Variants in MED13L observed in about 807,000 individuals in gnomAD.
MED13L encodes the protein mediator complex subunit 13L.
A neutral mutation model predicts 220.9 loss-of-function variants in MED13L; 7 were observed. The ratio of observed to expected loss-of-function variants is 0.03; its 90% CI spans 0.02 to 0.06. MED13L has a LOEUF of 0.06. Among genes scored for constraint, MED13L ranks in the 10% least tolerant of loss-of-function variants. The probability of loss-of-function intolerance (pLI) is 1.00; values close to 1 mark genes in which losing one functional copy is unlikely to be tolerated. For synonymous variants in MED13L, 1,011 were observed against 1,015.2 expected (o/e 1.00, Z 0.08); for missense variants, 1,965 against 2,760.5 (o/e 0.71, Z 6.46).
chr12:116,109,662 T>C (rs1416730572), intron 3 of MED13L, among the ~76,000 whole-genome samples: 5 of 152,348 alleles, frequency 3.3e-5, no homozygotes, highest in Admixed American at 2.0e-4. Context: ...TACAGGATTA[T>C]GGCAACAGTA....
chr12:115,987,837 G>A (rs1445745955), intron 17 of MED13L, among the ~76,000 whole-genome samples: 4 of 152,214 alleles, frequency 2.6e-5, no homozygotes, highest in South Asian at 4.1e-4. Context: ...CTCAAGGACC[G>A]AAGTCCGCTG....
intron 1 of MED13L, among the ~76,000 whole-genome samples, chr12:116,273,865 C>G (rs1278085707): frequency 1.3e-5 from 2 of 152,188 alleles, no homozygotes; most frequent in Non-Finnish European, 2.9e-5. Flanking sequence ...GTCTACTTAA[C>G]ATCCAGAAAT....
chr12:116,030,666 T>C (rs1299578923), intron 4 of MED13L, among the ~76,000 whole-genome samples: 2 of 152,160 alleles, frequency 1.3e-5, no homozygotes, highest in African/African-American at 4.8e-5. Context: ...GGATGAAAGA[T>C]GTATGTGCAG....
chr12:115,980,065 C>T (rs1259362592), intron 23 of MED13L, among the ~76,000 whole-genome samples: 2 of 152,118 alleles, frequency 1.3e-5, no homozygotes, highest in African/African-American at 4.8e-5. Flanking sequence ...AGAGTAAACA[C>T]AACTACAACT....
intron 2 of MED13L, among the ~76,000 whole-genome samples, chr12:116,161,074 G>C (rs1287994442): frequency 6.6e-6 from 1 of 152,126 alleles, no homozygotes; most frequent in Non-Finnish European, 1.5e-5. Flanking sequence ...CATCATCCCA[G>C]GTCAGAGGGC....
intron 2 of MED13L, among the ~76,000 whole-genome samples, chr12:116,156,496 A>C (rs1878453281): frequency 2.6e-5 from 4 of 152,004 alleles, no homozygotes; most frequent in Non-Finnish European, 4.4e-5. Context: ...GTCTAGCATC[A>C]GTGGCAAGTT....
intron 2 of MED13L, among the ~76,000 whole-genome samples, chr12:116,179,191 A>G (rs1880303964): frequency 6.8e-6 from 1 of 147,672 alleles, no homozygotes; most frequent in South Asian, 2.2e-4. Flanking sequence ...ATAATTTAAA[A>G]TTTGACGATT....
intron 5 of MED13L, among the ~76,000 whole-genome samples, chr12:116,021,766 T>C (rs2137443523): frequency 6.6e-6 from 1 of 152,306 alleles, no homozygotes; most frequent in Middle Eastern, 3.4e-3. Context: ...TTCAATCTAA[T>C]ATTATAACAT....
At position 115,975,652 on chromosome 12, in the gene MED13L, A is replaced by G. The variant is rs759694170; in HGVS notation, c.5451T>C (p.Gly1817=). 9.9e-6 allele frequency: 16 copies of G among 1,614,060 alleles called. No homozygotes were observed. In the Admixed American group the frequency reaches 2.7e-4, roughly 27 times the overall value. The change falls in exon 24 of 31, where the codon GGT becomes GGC. Residue 1817 remains glycine, a synonymous_variant. Coordinates refer to ENST00000281928, the MANE Select transcript of MED13L (RefSeq NM_015335.5). The part of the protein sequence containing the change: ...DKQTELGETF[G]EASQKYNVLF... ...GCACATTGTATTTCTGGCTCGCCTC[A>G]CCAAACGTCTCTCCCAGCTCTGTCT...
intron 2 of MED13L, among the ~76,000 whole-genome samples, chr12:116,187,267 T>C (rs542093337): frequency 6.6e-6 from 1 of 152,330 alleles, no homozygotes; most frequent in East Asian, 1.9e-4. Context: ...TTACGTGTTC[T>C]TTGGTTTGAG....
At chr12:116,169,987 T>C (rs1250150514) in intron 2 of MED13L, among the ~76,000 whole-genome samples, 2 of 152,158 alleles carry the variant, frequency 1.3e-5, no homozygotes, top group African/African-American at 4.8e-5. Flanking sequence ...ACTGCACTCC[T>C]GTCTGAGCAG....
At chr12:116,143,994 A>G (rs1877285687) in intron 2 of MED13L, among the ~76,000 whole-genome samples, 1 of 152,186 alleles carries the variant, frequency 6.6e-6, no homozygotes, top group African/African-American at 2.4e-5. Flanking sequence ...AACTTAATAG[A>G]AGCCAGGTGA....
intron 1 of MED13L, among the ~76,000 whole-genome samples, chr12:116,257,673 C>T (rs1872170723): frequency 6.6e-6 from 1 of 152,122 alleles, no homozygotes; most frequent in Admixed American, 6.5e-5. Context: ...TTTAAATAAG[C>T]ATATGATTGT....
At position 116,003,060 on chromosome 12, in the gene MED13L, C is replaced by T; in HGVS notation, c.2512G>A (p.Gly838Arg). ...ALRSSKMPAV[G>R]TEDRPLGKDG... ...TTCCCAAGAGGTCGGTCTTCTGTCC[C>T]AACTGCAGGCATTTTTGATGAGCGC... Residue 838 changes from glycine to arginine, a missense_variant, in exon 14 of 31, where the codon GGG (glycine) becomes AGG (arginine). Around this residue, in one of 10 missense-constraint regions of MED13L, gnomAD observed 818 missense variants for 1,041.2 expected, o/e 0.79. Transcript: ENST00000281928. 9 of 1,614,132 alleles carry T rather than the reference C, an allele frequency of 5.6e-6. No individual in the cohort carries two copies. The highest frequency in any genetic ancestry group is 7.6e-6 in the Non-Finnish European group (9 of 1,179,978).
chr12:116,208,352 T>A (rs1882485341), intron 2 of MED13L, among the ~76,000 whole-genome samples: 1 of 152,206 alleles, frequency 6.6e-6, no homozygotes, highest in Admixed American at 6.5e-5. Flanking sequence ...GCTGAGATCG[T>A]GCCATTGCAC....
At chr12:116,117,476 G>A (rs1469821778) in intron 2 of MED13L, among the ~76,000 whole-genome samples, 3 of 151,842 alleles carry the variant, frequency 2.0e-5, no homozygotes, top group African/African-American at 4.8e-5. Context: ...TCTAAATTAC[G>A]AAAACTCATT....
rs1192822451 is a variant in MED13L at position 116,175,379 on chromosome 12, T to C, written c.310+62089A>G. Among the ~76,000 whole-genome samples, 3 of 152,076 alleles carry C rather than the reference T, an allele frequency of 2.0e-5. No homozygotes were observed. In the South Asian group the frequency reaches 6.2e-4, roughly 32 times the overall value. On this transcript the variant is annotated intron_variant, in intron 2 of 30. Transcript: ENST00000281928. The stretch of plus-strand genomic sequence containing the variant: ...ATACCCACACCCCCTTCCCTGACCC[T>C]AAAAACATTCTTAAAAAGCTTAATT...
intron 4 of MED13L, among the ~76,000 whole-genome samples, chr12:116,066,521 TAAGG>T (rs1566039926): frequency 6.6e-6 from 1 of 152,154 alleles, no homozygotes; most frequent in Non-Finnish European, 1.5e-5. Flanking sequence ...TGTGCTACTT[TAAGG>T]TATTGTGTGA....
intron 4 of MED13L, among the ~76,000 whole-genome samples, chr12:116,060,802 G>GCACA (rs982278769): frequency 6.6e-6 from 1 of 151,614 alleles, no homozygotes; most frequent in South Asian, 2.1e-4. Flanking sequence ...ATTATCTTAA[G>GCACA]CACACACACA....
Sources: gnomAD v4.1 joint callset for allele counts (sites outside exome capture counted in the v4.1 genomes callset) on GRCh38, gnomAD v4.1.1 for gene constraint, gnomAD v4.1.1 regional missense constraint, MANE v1.5 for transcripts, NCBI Gene and HGNC (gene_info 2026-07-23, HGNC 2026-07-21) for gene names.